POU2F2: variants seen among roughly 807,000 people sequenced by gnomAD.
The protein encoded by POU2F2 is POU class 2 homeobox 2.
Under a neutral mutation model 63.5 loss-of-function variants are expected in POU2F2, and 14 were observed. The observed-to-expected ratio is 0.22, with a 90% CI of 0.15 to 0.34. The LOEUF (loss-of-function observed/expected upper bound fraction) is 0.34, where lower values mean the gene tolerates loss of function less well. Ranked by LOEUF, POU2F2 falls within the 10% of genes least tolerant of loss-of-function variation. The pLI is 1.00. For missense variants in POU2F2, 607 were observed against 815.2 expected, an observed-to-expected ratio of 0.74 and a Z score of 3.11; for synonymous variants, 306 against 348.6, an observed-to-expected ratio of 0.88 and a Z score of 1.36.
chr19:42,177,936 T>C (rs915462598), upstream of POU2F2, among the ~76,000 whole-genome samples: 5 of 141,834 alleles, frequency 3.5e-5, no homozygotes, highest in African/African-American at 1.3e-4. Context: ...CAGAAACAAA[T>C]AGACACGGGG....
Position 42,099,598 on chromosome 19 carries a change from G to T in POU2F2, c.496C>A (p.Leu166Ile), listed in dbSNP as rs200919726. 2.3e-5 allele frequency: 37 copies of T among 1,614,016 alleles called. No individual in the cohort carries two copies. In the East Asian group the frequency reaches 7.4e-4, roughly 32 times the overall value. ...SQPGLLPTPNLFQLPQQTQGA... is the reference protein window; with the variant it reads ...SQPGLLPTPNIFQLPQQTQGA... ...TGGGTTTGCTGAGGTAGCTGGAATA[G>T]ATTTGGTGTCGGTAGCAGGCCTGGA... The change falls in exon 7 of 15, where the codon CTA becomes ATA. Residue 166 changes from leucine (L) to isoleucine (I), a missense_variant. Transcript: ENST00000692977.
At position 42,095,617 on chromosome 19, in the gene POU2F2, G is replaced by A. The variant is rs757355759; in HGVS notation, c.948C>T (p.Pro316=). Residue 316 remains proline, a synonymous_variant, in exon 10 of 15, where the codon CCC becomes CCT. Transcript: ENST00000692977. The surrounding 1 kb of genome is among the most constrained non-coding windows in gnomAD (Gnocchi z 7.1). ...TGGTCCTCTTCTTGCGTCTCCGGCCGGGCAGGCCGTCGAAACCCAGGCTGG... is the reference window on the plus strand; with the variant it reads ...TGGTCCTCTTCTTGCGTCTCCGGCCAGGCAGGCCGTCGAAACCCAGGCTGG... ...SSPSLGFDGL[P]GRRRKKRTSI... is the part of the protein sequence containing the mutation. 5.0e-6 allele frequency: 8 copies of A among 1,613,070 alleles called. No homozygotes were observed. In the Admixed American group the frequency reaches 1.0e-4, roughly 20 times the overall value.
intron 1 of POU2F2, among the ~76,000 whole-genome samples, chr19:42,173,065 C>T (rs1460594348): frequency 2.0e-5 from 3 of 151,942 alleles, no homozygotes; most frequent in East Asian, 3.8e-4. Context: ...GCTGTGAGAG[C>T]GAGGTGGGTG....
chr19:42,111,442 A>T (rs1042397259), intron 5 of POU2F2, among the ~76,000 whole-genome samples: 1 of 151,890 alleles, frequency 6.6e-6, no homozygotes, highest in African/African-American at 2.4e-5. Context: ...ACAACTAACA[A>T]CTTCCAGCTC....
intron 4 of POU2F2, among the ~76,000 whole-genome samples, chr19:42,121,096 C>T (rs1238337780): frequency 6.6e-6 from 1 of 152,154 alleles, no homozygotes; most frequent in Non-Finnish European, 1.5e-5. Context: ...AAGAAGGAAG[C>T]CTGCTGCCAG....
intron 1 of POU2F2, among the ~76,000 whole-genome samples, chr19:42,127,206 T>C (rs2033282324): frequency 6.6e-6 from 1 of 151,922 alleles, no homozygotes. Flanking sequence ...CCTCATGCCT[T>C]GGCCTCCCAA....
chr19:42,120,021 C>T (rs527946322), intron 4 of POU2F2, among the ~76,000 whole-genome samples: 20 of 152,028 alleles, frequency 1.3e-4, no homozygotes, highest in East Asian at 3.9e-4. Context: ...CAGACTCAAG[C>T]GATCCTCCTG....
intron 5 of POU2F2, chr19:42,116,880 GGCGGCGGCGGCGGCA>G: frequency 2.2e-6 from 1 of 457,162 alleles, no homozygotes. Flanking sequence ...AGGCGGAGGC[GGCGGCGGCGGCGGCA>G]GCGGCGTTAG....
intron 1 of POU2F2, among the ~76,000 whole-genome samples, chr19:42,174,025 T>C (rs1312245451): frequency 6.6e-6 from 1 of 152,130 alleles, no homozygotes; most frequent in Non-Finnish European, 1.5e-5. Context: ...CATGGGCTGA[T>C]AGACTGTGGG....
chr19:42,177,856 G>A (rs2034914816), upstream of POU2F2, among the ~76,000 whole-genome samples: 2 of 151,914 alleles, frequency 1.3e-5, no homozygotes, highest in Admixed American at 1.3e-4. Context: ...ACAGGACAGG[G>A]AGCACAGAAG....
intron 5 of POU2F2, among the ~76,000 whole-genome samples, chr19:42,101,680 G>A (rs879666474): frequency 2.6e-5 from 4 of 152,108 alleles, no homozygotes; most frequent in Non-Finnish European, 5.9e-5. Flanking sequence ...TAATATAGGC[G>A]CTATCTAAGA....
intron 1 of POU2F2, among the ~76,000 whole-genome samples, chr19:42,129,752 C>T (rs564307219): frequency 1.3e-5 from 2 of 152,226 alleles, no homozygotes; most frequent in African/African-American, 4.8e-5. Flanking sequence ...CCCCTCCCCA[C>T]CCCACAGCTG....
chr19:42,120,218 CTT>C (rs60956281), intron 4 of POU2F2, among the ~76,000 whole-genome samples: 43 of 139,000 alleles, frequency 3.1e-4, no homozygotes, highest in Non-Finnish European at 2.7e-4. Context: ...GCCTAATCTC[CTT>C]TTTTTTTTTT....
chr19:42,158,377 T>G (rs531827010), intron 2 of POU2F2, among the ~76,000 whole-genome samples: 1 of 152,246 alleles, frequency 6.6e-6, no homozygotes, highest in African/African-American at 2.4e-5. Flanking sequence ...ACTGTGGAGA[T>G]ACCAAAAACA....
chr19:42,163,889 T>A (rs531290954), intron 1 of POU2F2, among the ~76,000 whole-genome samples: 75 of 151,714 alleles, frequency 4.9e-4, no homozygotes, highest in African/African-American at 1.8e-3. Flanking sequence ...TTGAAATAAA[T>A]TTTTTTTTAC....
At chr19:42,158,377 T>C (rs531827010) in intron 2 of POU2F2, among the ~76,000 whole-genome samples, 1 of 152,364 alleles carries the variant, frequency 6.6e-6, no homozygotes, top group African/African-American at 2.4e-5. Context: ...ACTGTGGAGA[T>C]ACCAAAAACA....
At position 42,117,527 on chromosome 19, in the gene POU2F2, G is replaced by C; in HGVS notation, c.187-95C>G. On this transcript the variant is annotated intron_variant, in intron 4 of 14. Transcript: ENST00000692977. This position sits in a 1 kb window ranked among gnomAD's most constrained non-coding sequence, Gnocchi z 4.4. ...TGTGGACATGAGGGTGCAGTCTGTG[G>C]TCCTGCACTGACCGCTGGGAGCTTC... is the stretch of plus-strand genomic sequence containing the variant. The C allele has an allele frequency of 1.7e-6, 1 of 601,296 alleles. No homozygotes were observed. The highest frequency in any genetic ancestry group is 2.9e-6 in the Non-Finnish European group (1 of 344,206). The allele number at this position is 601,296 out of a possible 1,614,324, so 37.2% of individuals were successfully genotyped here.
At chr19:42,091,766 T>C in intron 14 of POU2F2, 101 bp downstream of exon 14, 1 of 1,548,488 alleles carries the variant, frequency 6.5e-7, no homozygotes, top group Non-Finnish European at 8.7e-7. Flanking sequence ...AGCAATGCAG[T>C]GAGCAGGGGC....
rs1185939294 is a variant in POU2F2 at position 42,087,602 on chromosome 19, T to C, written c.*3655A>G. The C allele has an allele frequency of 1.3e-5, 2 of 150,622 alleles. No homozygotes were observed. Among genetic ancestry groups the C allele is most frequent in the African/African-American group, 2.4e-5 (1 of 40,930 alleles). The allele number at this position is 150,622 out of a possible 1,614,324, so 9.3% of individuals were successfully genotyped here. ...TTTAGTTACTGGCATCAATTTTTTT[T>C]TTTTTTTTTTTGGCACAATGAAAAG... On this transcript the variant is annotated 3_prime_UTR_variant, in exon 15 of 15. Transcript: ENST00000692977.
Sources: gnomAD v4.1 joint callset for allele counts (sites outside exome capture counted in the v4.1 genomes callset) on GRCh38, gnomAD v4.1.1 for gene constraint, Gnocchi (gnomAD v3.1) non-coding constraint, MANE v1.5 for transcripts, NCBI Gene and HGNC (gene_info 2026-07-23, HGNC 2026-07-21) for gene names.